The following PCDHA5 variants were observed in gnomAD, a reference collection of about 807,000 sequenced individuals.
PCDHA5 encodes protocadherin alpha-5.
A neutral mutation model predicts 61.6 loss-of-function variants in PCDHA5; 43 were observed. The observed-to-expected ratio is 0.70, with a 90% CI of 0.55 to 0.90. The LOEUF (loss-of-function observed/expected upper bound fraction) is 0.90, where lower values mean the gene tolerates loss of function less well. PCDHA5 is among the 40% of genes least tolerant of loss of function. The pLI is 0.00. For missense variants in PCDHA5, 1,298 were observed against 1,222.7 expected, an observed-to-expected ratio of 1.06 and a Z score of -0.92; for synonymous variants, 627 against 543.9, an observed-to-expected ratio of 1.15 and a Z score of -2.13.
intron 1 of PCDHA5, among the ~76,000 whole-genome samples, chr5:140,972,693 C>A (rs1358194667): frequency 2.3e-5 from 3 of 130,312 alleles, no homozygotes; most frequent in East Asian, 4.7e-4. Flanking sequence ...GAGATGGAGT[C>A]TCACTCTGTT....
At chr5:140,960,548 A>G (rs73793541) in intron 1 of PCDHA5, among the ~76,000 whole-genome samples, 2,047 of 152,290 alleles carry the variant, frequency 0.013, 37 homozygotes, top group African/African-American at 0.047. Context: ...TGGCCTTCAT[A>G]TAGACTGAGC....
At chr5:140,975,594 A>G (rs914837592) in intron 1 of PCDHA5, among the ~76,000 whole-genome samples, 3 of 152,236 alleles carry the variant, frequency 2.0e-5, no homozygotes, top group Admixed American at 2.0e-4. Flanking sequence ...CCAGAGGGCA[A>G]TTTGTTGATG....
chr5:140,851,823 GT>G, intron 1 of PCDHA5: 1 of 963,106 alleles, frequency 1.0e-6, no homozygotes, highest in Non-Finnish European at 1.3e-6. Context: ...ACAGAAATCT[GT>G]TTTTTTAAAA....
At chr5:140,917,281 T>A (rs1354421886) in intron 1 of PCDHA5, among the ~76,000 whole-genome samples, 1 of 151,298 alleles carries the variant, frequency 6.6e-6, no homozygotes, top group Admixed American at 6.6e-5. Context: ...GTAATGACGC[T>A]TTTCCGTGTG....
At chr5:140,836,132 G>A (rs1774227374) in intron 1 of PCDHA5, 2 of 1,613,758 alleles carry the variant, frequency 1.2e-6, no homozygotes, top group Non-Finnish European at 1.7e-6. Context: ...TTGTGCCGCG[G>A]TCTGTGGGCG....
At chr5:140,872,801 C>T (rs2053909345) in intron 1 of PCDHA5, among the ~76,000 whole-genome samples, 1 of 152,086 alleles carries the variant, frequency 6.6e-6, no homozygotes, top group African/African-American at 2.4e-5. Context: ...GGCATTCTTC[C>T]ATAAGTTTTT....
Position 140,821,865 on chromosome 5 carries a change from C to A in PCDHA5, c.90C>A (p.Leu30=). 1 of 1,614,214 alleles carries A rather than the reference C, an allele frequency of 6.2e-7. No individual in the cohort carries two copies. The highest frequency in any genetic ancestry group is 8.5e-7 in the Non-Finnish European group (1 of 1,180,044). ...LAYWKAGSGQ[L]HYSIPEEAKH... ...ACTGGAAGGCAGGGAGCGGCCAGCTCCACTACTCGATCCCGGAGGAAGCCA... is the reference window on the plus strand; with the variant it reads ...ACTGGAAGGCAGGGAGCGGCCAGCTACACTACTCGATCCCGGAGGAAGCCA... The change falls in exon 1 of 4, where the codon CTC becomes CTA. Residue 30 remains leucine (L), a synonymous_variant. Coordinates refer to ENST00000529859, the MANE Select transcript of PCDHA5 (RefSeq NM_018908.3).
At chr5:140,992,205 T>C (rs2097498733) in intron 3 of PCDHA5, among the ~76,000 whole-genome samples, 1 of 152,186 alleles carries the variant, frequency 6.6e-6, no homozygotes, top group South Asian at 2.1e-4. Flanking sequence ...TCCAATCAGA[T>C]AAACTACTCT....
At chr5:140,953,228 G>C (rs2094861370) in intron 1 of PCDHA5, among the ~76,000 whole-genome samples, 2 of 152,124 alleles carry the variant, frequency 1.3e-5, no homozygotes, top group African/African-American at 4.8e-5. Context: ...CTTCTGCTTG[G>C]TAGCAGTTCA....
At chr5:140,921,832 A>G (rs1276240870) in intron 1 of PCDHA5, among the ~76,000 whole-genome samples, 1 of 152,120 alleles carries the variant, frequency 6.6e-6, no homozygotes, top group African/African-American at 2.4e-5. Flanking sequence ...CTATACACAT[A>G]TAGACATATT....
rs374159724 is a variant in PCDHA5 at position 140,856,795 on chromosome 5, G to T, written c.2352+32668G>T. The T allele has an allele frequency of 2.1e-5, 34 of 1,595,942 alleles. 4 individuals are homozygous for T. Among genetic ancestry groups the T allele is most frequent in the Non-Finnish European group, 2.7e-5 (32 of 1,165,996 alleles). ...TTGACAGACCGGTTTATGAAGTTAA[G>T]ATGTATGAAAATCAAGTGAACCAAA... On this transcript the variant is annotated intron_variant, in intron 1 of 3. Transcript: ENST00000529859.
intron 1 of PCDHA5, chr5:140,928,951 G>C (rs2032668535): frequency 6.2e-7 from 1 of 1,614,028 alleles, no homozygotes; most frequent in Non-Finnish European, 8.5e-7. Flanking sequence ...TTTAGTAATT[G>C]CCTTGGCTTG....
rs2150360936 is a variant in PCDHA5 at position 140,843,478 on chromosome 5, T to A, written c.2352+19351T>A. On this transcript the variant is annotated intron_variant, in intron 1 of 3. Coordinates refer to ENST00000529859, the MANE Select transcript of PCDHA5 (RefSeq NM_018908.3). ...TGGTGCTCACGCTGCTGCTGTACAC[T>A]GCGCTGCGGTGCTCAGCACTGCCCA... 2.1e-5 allele frequency: 33 copies of A among 1,595,746 alleles called. 1 individual carries two copies. Among genetic ancestry groups the A allele is most frequent in the Non-Finnish European group, 2.8e-5 (33 of 1,165,552 alleles).
rs200797202 is a variant in PCDHA5 at position 140,937,911 on chromosome 5, C to CA, written c.2353-41022dup. On this transcript the variant is annotated intron_variant, in intron 1 of 3. Coordinates refer to ENST00000529859, the MANE Select transcript of PCDHA5 (RefSeq NM_018908.3). ...TGGGCGACAGAGTGAGACTCCGTCT[C>CA]AAAAAAAAAAAAAAAAGTTTAATTT... 3.1e-3 allele frequency among the ~76,000 whole-genome samples: 361 copies of CA among 117,828 alleles called. 2 individuals are homozygous for CA. In the East Asian group the frequency reaches 0.042, roughly 14 times the overall value. 77.3% of individuals were successfully genotyped at this position (117,828 alleles called of 152,430 possible).
intron 1 of PCDHA5, chr5:140,862,360 G>C (rs920511235): frequency 6.0e-6 from 2 of 334,746 alleles, no homozygotes; most frequent in Non-Finnish European, 1.2e-5. Flanking sequence ...AGGGACAGAC[G>C]ACCCGCACCC....
rs2098417673 is a variant in PCDHA5, at chr5:141,010,569, T to C, written c.*632T>C. ...AAAACTACCCCCACTGACAAGGCTT[T>C]AGGAGACCCTAAAGTCTGTTGGCTG... On this transcript the variant is annotated 3_prime_UTR_variant, in exon 4 of 4. Transcript: ENST00000529859. 1.4e-5 allele frequency: 4 copies of C among 283,140 alleles called. No individual in the cohort carries two copies. The South Asian group carries it at 2.4e-4, about 17-fold the overall frequency. The allele number at this position is 283,140 out of a possible 1,614,324, so 17.5% of individuals were successfully genotyped here.
At chr5:140,833,975 T>C (rs1554134022) in intron 1 of PCDHA5, among the ~76,000 whole-genome samples, 1 of 152,086 alleles carries the variant, frequency 6.6e-6, no homozygotes, top group East Asian at 1.9e-4. Flanking sequence ...GAAAAAAAAG[T>C]TTTTCTAAGG....
In PCDHA5 at chr5:140,863,500, T is replaced by C. The variant is rs536977258; in HGVS notation, c.2352+39373T>C. On this transcript the variant is annotated intron_variant, in intron 1 of 3. Coordinates refer to ENST00000529859, the MANE Select transcript of PCDHA5 (RefSeq NM_018908.3). ...CCTCCCAAGGTCAACATTACGGCTT[T>C]TAGTCCTAGTGTTCTCCCATGGTTC... 36 of 432,458 alleles carry C rather than the reference T, an allele frequency of 8.3e-5. 2 individuals are homozygous for C. Among genetic ancestry groups the C allele is most frequent in the South Asian group, 5.0e-4 (28 of 55,804 alleles). 26.8% of individuals were successfully genotyped at this position (432,458 alleles called of 1,614,324 possible).
At chr5:140,879,234 G>A (rs1483424901) in intron 1 of PCDHA5, among the ~76,000 whole-genome samples, 1 of 152,180 alleles carries the variant, frequency 6.6e-6, no homozygotes, top group Non-Finnish European at 1.5e-5. Flanking sequence ...ACATATACAA[G>A]AGGCACTGGC....
Sources: allele counts gnomAD v4.1 joint callset (sites outside exome capture counted in the v4.1 genomes callset), GRCh38; gene constraint gnomAD v4.1.1; transcripts MANE v1.5; gene names NCBI Gene and HGNC (gene_info 2026-07-23, HGNC 2026-07-21).